MPHOSPH8: variants seen among roughly 807,000 people sequenced by gnomAD.
MPHOSPH8 encodes M-phase phosphoprotein, mpp.
Under a neutral mutation model 87.3 loss-of-function variants are expected in MPHOSPH8, and 45 were observed. The observed-to-expected ratio is 0.52, with a 90% CI of 0.41 to 0.66. The LOEUF is 0.66. Among genes scored for constraint, MPHOSPH8 ranks in the 30% least tolerant of loss-of-function variants. MPHOSPH8 has a pLI of 0.00. For synonymous variants in MPHOSPH8, 366 were observed against 376.9 expected (o/e 0.97, Z 0.33); for missense variants, 883 against 1,020.2 (o/e 0.87, Z 1.83).
At chr13:19,649,461 CTCT>C (rs1487018919) in intron 4 of MPHOSPH8, among the ~76,000 whole-genome samples, 2 of 152,072 alleles carry the variant, frequency 1.3e-5, no homozygotes, top group Non-Finnish European at 2.9e-5. Context: ...CATCCTAATT[CTCT>C]TCTTTTTGGG....
In MPHOSPH8 at chr13:19,650,268, T is replaced by A. The variant is rs761643302; in HGVS notation, c.1576+8T>A. On this transcript the variant is annotated splice_region_variant and intron_variant, in intron 5 of 13. Coordinates refer to ENST00000361479, the MANE Select transcript of MPHOSPH8 (RefSeq NM_017520.4). ...AAGCAGATGAGAATTCAGGTGAGTT[T>A]GGAATCATTTTGCAGAATTTTTCAA... 8 of 1,608,412 alleles carry A rather than the reference T, an allele frequency of 5.0e-6. No homozygotes were observed. The African/African-American group carries it at 9.4e-5, about 19-fold the overall frequency.
intron 10 of MPHOSPH8, among the ~76,000 whole-genome samples, chr13:19,667,222 TTTA>T: frequency 6.6e-6 from 1 of 152,250 alleles, no homozygotes; most frequent in South Asian, 2.1e-4. Context: ...TTTAATAGAC[TTTA>T]TTTTTTGCAA....
chr13:19,638,651 A>G (rs1874125620), intron 1 of MPHOSPH8, among the ~76,000 whole-genome samples: 1 of 151,904 alleles, frequency 6.6e-6, no homozygotes, highest in South Asian at 2.1e-4. Context: ...TCTTTTTCTG[A>G]TATTTCTTGA....
chr13:19,648,547 CATTTACGTTGCT>C, intron 4 of MPHOSPH8, 26 bp downstream of exon 4: 1 of 1,197,662 alleles, frequency 8.3e-7, no homozygotes, highest in Non-Finnish European at 1.1e-6. Flanking sequence ...AACGTTTTGC[CATTTACGTTGCT>C]ATCTTTTATA....
chr13:19,633,989 T>C (rs1395819879), intron 1 of MPHOSPH8, 28 bp downstream of exon 1: 18 of 1,589,792 alleles, frequency 1.1e-5, no homozygotes, highest in Non-Finnish European at 1.5e-5. Context: ...GGCGCGGGGC[T>C]GGGCGGGGAG....
intron 2 of MPHOSPH8, among the ~76,000 whole-genome samples, chr13:19,645,545 CAG>C (rs1350028256): frequency 6.6e-6 from 1 of 152,000 alleles, no homozygotes; most frequent in Non-Finnish European, 1.5e-5. Flanking sequence ...GCCGAGAGGT[CAG>C]GGGTTCGAGA....
At chr13:19,643,413 T>G (rs1874399630) in intron 2 of MPHOSPH8, among the ~76,000 whole-genome samples, 1 of 151,852 alleles carries the variant, frequency 6.6e-6, no homozygotes, top group South Asian at 2.1e-4. Flanking sequence ...GCCTGGCTAA[T>G]TTTTTTTCTT....
intron 2 of MPHOSPH8, among the ~76,000 whole-genome samples, chr13:19,642,938 C>T (rs1874375768): frequency 6.6e-6 from 1 of 152,166 alleles, no homozygotes; most frequent in South Asian, 2.1e-4. Context: ...TACTACATAA[C>T]TACCATACAC....
chr13:19,640,694 G>A (rs1322003982), intron 1 of MPHOSPH8, among the ~76,000 whole-genome samples: 1 of 151,928 alleles, frequency 6.6e-6, no homozygotes, highest in Admixed American at 6.6e-5. Flanking sequence ...GAAATGGCTA[G>A]GTTTTTTTTA....
chr13:19,646,436 T>C lies in MPHOSPH8; in HGVS notation c.370-7T>C. ...ATGAATATTTTAATCTGTTTTGTAT[T>C]TTATAGAGACTATCCTTAAATAACG... On this transcript the variant is annotated splice_polypyrimidine_tract_variant and splice_region_variant and intron_variant, in intron 2 of 13. Coordinates refer to ENST00000361479, the MANE Select transcript of MPHOSPH8 (RefSeq NM_017520.4). 6.9e-7 allele frequency: 1 copy of C among 1,458,942 alleles called. No individual in the cohort carries two copies. The highest frequency in any genetic ancestry group is 9.0e-7 in the Non-Finnish European group (1 of 1,107,672). 90.4% of individuals were successfully genotyped at this position (1,458,942 alleles called of 1,614,324 possible). A position where few individuals can be genotyped will look rare whatever the true frequency, so the allele number is the denominator to read the frequency against.
chr13:19,646,501 A>C lies in MPHOSPH8; in HGVS notation c.428A>C (p.Glu143Ala). The change falls in exon 3 of 14, where the codon GAG becomes GCG. Residue 143 changes from glutamate to alanine, a missense_variant. Physicochemically the swap from Glu to Ala is moderately radical, Grantham distance 107. Transcript: ENST00000361479. ...AACTCTGATAGCGATCAGCAAAGTG[A>C]GACAAAAGAAGATACTTCCCCAAAG... ...EANSDSDQQS[E>A]TKEDTSPKKK... 3 of 1,566,452 alleles carry C rather than the reference A, an allele frequency of 1.9e-6. No individual in the cohort carries two copies. Among genetic ancestry groups the C allele is most frequent in the Non-Finnish European group, 2.6e-6 (3 of 1,167,446 alleles).
intron 13 of MPHOSPH8, 87 bp from the exon 14 acceptor site, chr13:19,671,747 G>C: frequency 8.3e-7 from 1 of 1,210,102 alleles, no homozygotes; most frequent in Non-Finnish European, 1.2e-6. Context: ...AATAATAGAA[G>C]CAAATCTTGG....
chr13:19,635,623 T>C (rs1318090027), intron 1 of MPHOSPH8, among the ~76,000 whole-genome samples: 1 of 152,196 alleles, frequency 6.6e-6, no homozygotes, highest in African/African-American at 2.4e-5. Flanking sequence ...CCTCAAAGAA[T>C]TGTAAGCACT....
chr13:19,651,685 A>G (rs1874858856), intron 5 of MPHOSPH8, among the ~76,000 whole-genome samples: 2 of 152,192 alleles, frequency 1.3e-5, no homozygotes, highest in African/African-American at 2.4e-5. Context: ...ATCCTGGTCA[A>G]CATAGCAAGA....
chr13:19,652,562 T>TGTTC (rs1874917104), intron 5 of MPHOSPH8, among the ~76,000 whole-genome samples: 1 of 152,106 alleles, frequency 6.6e-6, no homozygotes, highest in Non-Finnish European at 1.5e-5. Flanking sequence ...CAGTGGCACC[T>TGTTC]GGAACGCCAG....
intron 5 of MPHOSPH8, 134 bp from the exon 6 acceptor site, chr13:19,658,861 A>AC: frequency 9.5e-7 from 1 of 1,055,912 alleles, no homozygotes; most frequent in Non-Finnish European, 1.4e-6. Context: ...CAATTAAAAG[A>AC]CCCCATTATA....
intron 12 of MPHOSPH8, chr13:19,670,820 C>CTTTTTTT: frequency 1.0e-6 from 1 of 964,910 alleles, no homozygotes; most frequent in African/African-American, 1.8e-5. Context: ...AAATAAATCA[C>CTTTTTTT]TTTTTTTTTT....
At chr13:19,665,119 G>C (rs910276642) in intron 9 of MPHOSPH8, among the ~76,000 whole-genome samples, 1 of 152,014 alleles carries the variant, frequency 6.6e-6, no homozygotes, top group African/African-American at 2.4e-5. Flanking sequence ...AGATGGCTCT[G>C]GAAGTGGGTT....
At chr13:19,636,639 C>T (rs925844681) in intron 1 of MPHOSPH8, among the ~76,000 whole-genome samples, 1 of 151,938 alleles carries the variant, frequency 6.6e-6, no homozygotes, top group Non-Finnish European at 1.5e-5. Flanking sequence ...TCTACCATGA[C>T]TAATATTTTA....
Sources: allele counts gnomAD v4.1 joint callset (sites outside exome capture counted in the v4.1 genomes callset), GRCh38; gene constraint gnomAD v4.1.1; transcripts MANE v1.5; gene names NCBI Gene and HGNC (gene_info 2026-07-23, HGNC 2026-07-21).